NAALADL2: variants seen among roughly 807,000 people sequenced by gnomAD.
NAALADL2 encodes inactive N-acetylated-alpha-linked acidic dipeptidase-like protein 2.
Under a neutral mutation model 87.2 loss-of-function variants are expected in NAALADL2, and 76 were observed. The observed-to-expected ratio is 0.87, with a 90% CI of 0.72 to 1.05. NAALADL2 has a LOEUF of 1.05. Among genes scored for constraint, NAALADL2 ranks in the 50% least tolerant of loss-of-function variants. The probability of loss-of-function intolerance (pLI) is 0.00; values close to 1 mark genes in which losing one functional copy is unlikely to be tolerated. For synonymous variants in NAALADL2, 354 were observed against 331.0 expected, an observed-to-expected ratio of 1.07 and a Z score of -0.75; for missense variants, 1,089 against 945.8, an observed-to-expected ratio of 1.15 and a Z score of -1.99.
At chr3:174,663,480 T>G (rs1446593224) in intron 2 of NAALADL2, among the ~76,000 whole-genome samples, 1 of 152,082 alleles carries the variant, frequency 6.6e-6, no homozygotes, top group African/African-American at 2.4e-5. Context: ...CAGCTTCTAG[T>G]CATGGCAGAA....
At chr3:175,349,211 A>AAC (rs1763475319) in intron 5 of NAALADL2, among the ~76,000 whole-genome samples, 1 of 151,654 alleles carries the variant, frequency 6.6e-6, no homozygotes, top group Non-Finnish European at 1.5e-5. Flanking sequence ...TGCTATTAAA[A>AAC]AAAAAAAAAA....
intron 1 of NAALADL2, among the ~76,000 whole-genome samples, chr3:174,922,157 A>G (rs1161212988): frequency 6.6e-6 from 1 of 151,984 alleles, no homozygotes; most frequent in Non-Finnish European, 1.5e-5. Flanking sequence ...AATAAAATAA[A>G]AAATTAGTCT....
At chr3:175,011,102 C>A (rs952533083) in intron 1 of NAALADL2, among the ~76,000 whole-genome samples, 2 of 152,072 alleles carry the variant, frequency 1.3e-5, no homozygotes, top group African/African-American at 4.8e-5. Flanking sequence ...ACCTCTCATT[C>A]TTCCAGAAAC....
intron 3 of NAALADL2, among the ~76,000 whole-genome samples, chr3:174,758,165 T>G (rs1327508753): frequency 6.6e-6 from 1 of 152,142 alleles, no homozygotes; most frequent in African/African-American, 2.4e-5. Context: ...CTGGCTCCCT[T>G]TGGTACTCAA....
chr3:174,996,259 A>G (rs923619839), intron 1 of NAALADL2, among the ~76,000 whole-genome samples: 8 of 152,102 alleles, frequency 5.3e-5, no homozygotes, highest in African/African-American at 1.9e-4. Flanking sequence ...GCACTTTGGG[A>G]GGCTGAGGCA....
At chr3:175,718,958 C>T (rs1741805357) in intron 11 of NAALADL2, among the ~76,000 whole-genome samples, 1 of 152,234 alleles carries the variant, frequency 6.6e-6, no homozygotes, top group Admixed American at 6.6e-5. Context: ...TACCAAAAGG[C>T]TAGCATTGAA....
intron 2 of NAALADL2, among the ~76,000 whole-genome samples, chr3:174,557,855 C>T (rs1188866295): frequency 6.6e-6 from 1 of 152,082 alleles, no homozygotes; most frequent in Non-Finnish European, 1.5e-5. Flanking sequence ...TATGGGGAAA[C>T]CAGGCACAAA....
At chr3:175,140,513 T>A (rs1729836326) in intron 2 of NAALADL2, among the ~76,000 whole-genome samples, 1 of 152,062 alleles carries the variant, frequency 6.6e-6, no homozygotes, top group African/African-American at 2.4e-5. Context: ...GTTATCTCAA[T>A]GGACTGAGAT....
intron 3 of NAALADL2, among the ~76,000 whole-genome samples, chr3:174,743,620 G>T (rs1341996952): frequency 6.6e-6 from 1 of 151,742 alleles, no homozygotes; most frequent in Non-Finnish European, 1.5e-5. Context: ...TAGAGAAACA[G>T]CATATAATGT....
At chr3:175,492,898 ATCT>A (rs1355272519) in intron 9 of NAALADL2, among the ~76,000 whole-genome samples, 1 of 152,088 alleles carries the variant, frequency 6.6e-6, no homozygotes, top group East Asian at 1.9e-4. Flanking sequence ...CATTAAAAAC[ATCT>A]TCTAGCTCTT....
chr3:175,079,315 T>A (rs1717271665), intron 1 of NAALADL2: 1 of 152,222 alleles, frequency 6.6e-6, no homozygotes, highest in South Asian at 2.1e-4. Flanking sequence ...CTTTAGATAA[T>A]CTGGACTCAA....
At chr3:174,560,038 T>A in intron 2 of NAALADL2, among the ~76,000 whole-genome samples, 1 of 152,344 alleles carries the variant, frequency 6.6e-6, no homozygotes, top group South Asian at 2.1e-4. Flanking sequence ...ATTTCAGAAA[T>A]AATTTTTAAT....
intron 1 of NAALADL2, among the ~76,000 whole-genome samples, chr3:174,894,622 A>ACTCC (rs2109815362): frequency 1.2e-5 from 1 of 80,038 alleles, no homozygotes; most frequent in East Asian, 5.4e-4. Flanking sequence ...AAAAAAAAAA[A>ACTCC]AAAAAAAAAA....
intron 1 of NAALADL2, among the ~76,000 whole-genome samples, chr3:175,017,267 A>G (rs1750959660): frequency 6.6e-6 from 1 of 152,048 alleles, no homozygotes; most frequent in African/African-American, 2.4e-5. Context: ...ACTAAATAAA[A>G]TAGCCAGACA....
intron 3 of NAALADL2, among the ~76,000 whole-genome samples, chr3:175,236,149 C>T (rs1745807975): frequency 6.6e-6 from 1 of 152,100 alleles, no homozygotes; most frequent in African/African-American, 2.4e-5. Flanking sequence ...TCTATGACTC[C>T]TTTATACTCC....
chr3:175,134,707 T>C (rs1224844729), intron 2 of NAALADL2, among the ~76,000 whole-genome samples: 1 of 152,168 alleles, frequency 6.6e-6, no homozygotes, highest in Admixed American at 6.6e-5. Context: ...AGATAAAGTA[T>C]GATGATACTG....
At chr3:174,953,297 T>TCCTCTCCCCCCCCCCCCCCCCC (rs1740651836) in intron 1 of NAALADL2, among the ~76,000 whole-genome samples, 3 of 59,316 alleles carry the variant, frequency 5.1e-5, no homozygotes, top group Admixed American at 2.5e-4. Flanking sequence ...CTTTCTTGCC[T>TCCTCTCCCCCCCCCCCCCCCCC]CCCCTCCCCT....
chr3:175,619,257 AAG>A (rs767434166), intron 10 of NAALADL2, among the ~76,000 whole-genome samples: 3,007 of 104,856 alleles, frequency 0.029, 37 homozygotes, highest in Non-Finnish European at 0.045. Flanking sequence ...GGAAGGAAGG[AAG>A]GAAGGAAGGA....
At chr3:175,756,352 T>A (rs1299676788) in intron 13 of NAALADL2, among the ~76,000 whole-genome samples, 1 of 152,148 alleles carries the variant, frequency 6.6e-6, no homozygotes, top group African/African-American at 2.4e-5. Context: ...AATTTTTTTA[T>A]ATCAAAAAGA....
Sources: allele counts gnomAD v4.1 joint callset (sites outside exome capture counted in the v4.1 genomes callset), GRCh38; gene constraint gnomAD v4.1.1; transcripts MANE v1.5; gene names NCBI Gene and HGNC (gene_info 2026-07-23, HGNC 2026-07-21).